The following RESF1 variants were observed in gnomAD, a reference collection of about 807,000 sequenced individuals.
The protein encoded by RESF1 is gonad expressed transcript.
A neutral mutation model predicts 134.7 loss-of-function variants in RESF1; 65 were observed. The ratio of observed to expected loss-of-function variants is 0.48; its 90% confidence interval spans 0.40 to 0.59. RESF1 has a LOEUF of 0.59. Among genes scored for constraint, RESF1 ranks in the 20% least tolerant of loss-of-function variants. RESF1 has a pLI of 0.00. For missense variants in RESF1, 2,274 were observed against 2,002.7 expected (o/e 1.14, Z -2.59); for synonymous variants, 762 against 702.2 (o/e 1.09, Z -1.35).
rs536802667 is a variant in RESF1, at chr12:31,984,004, C to G, written c.3049C>G (p.Gln1017Glu). ...CGATACGTGCTCGTCAGCTGCTATT[C>G]AGGAGGATATTTACCCTCAGGAAAT... ...ANDTCSSAAI[Q>E]EDIYPQEIDA... Residue 1017 changes from glutamine (Q) to glutamate (E), a missense_variant, in exon 4 of 6, where the codon CAG becomes GAG. Physicochemically the swap from Gln to Glu is conservative, Grantham distance 29. Coordinates refer to ENST00000312561, the MANE Select transcript of RESF1 (RefSeq NM_018169.4). 2.3e-5 allele frequency: 37 copies of G among 1,613,960 alleles called. 1 individual carries two copies. The East Asian group carries it at 7.6e-4, about 33-fold the overall frequency.
chr12:31,975,044 G>A (rs1939599323), intron 3 of RESF1, among the ~76,000 whole-genome samples: 1 of 151,918 alleles, frequency 6.6e-6, no homozygotes, highest in Admixed American at 6.6e-5. Context: ...GGAGGCCAAG[G>A]CAGGCAGATC....
Position 31,987,428 on chromosome 12 carries a change from T to A in RESF1, c.5086+106T>A, listed in dbSNP as rs1940001451. On this transcript the variant is annotated intron_variant, in intron 5 of 5. Transcript: ENST00000312561. ...GTAAAGTATGATTTTATCCATGTTCTTTTTTTTTTTTCAGTCATTCAGTGT... is the reference window on the plus strand; with the variant it reads ...GTAAAGTATGATTTTATCCATGTTCATTTTTTTTTTTCAGTCATTCAGTGT... 3 of 267,122 alleles carry A rather than the reference T, an allele frequency of 1.1e-5. No individual in the cohort carries two copies. In the East Asian group the frequency reaches 2.5e-4, roughly 22 times the overall value. 16.5% of individuals were successfully genotyped at this position (267,122 alleles called of 1,614,324 possible). A position where few individuals can be genotyped will look rare whatever the true frequency, so the allele number is the denominator to read the frequency against.
intron 5 of RESF1, among the ~76,000 whole-genome samples, chr12:31,988,955 A>C (rs569199994): frequency 3.3e-5 from 5 of 151,498 alleles, no homozygotes; most frequent in Admixed American, 1.3e-4. Flanking sequence ...CGGCCTCCCA[A>C]AATGCTGGGA....
Position 31,985,195 on chromosome 12 carries a change from C to G in RESF1, c.4240C>G (p.Pro1414Ala), listed in dbSNP as rs935706626. Residue 1414 changes from proline (P) to alanine (A), a missense_variant, in exon 4 of 6, where the codon CCA (proline) becomes GCA (alanine). Coordinates refer to ENST00000312561, the MANE Select transcript of RESF1 (RefSeq NM_018169.4). ...CAAATTAGGTGACTCTTTGTCAAAC[C>G]CAAACGAAAGAGCCATTGTTAAAGA... Reference protein sequence around the residue: ...TFKLGDSLSNPNERAIVKEKM... With the variant: ...TFKLGDSLSNANERAIVKEKM... 1 of 1,573,340 alleles carries G rather than the reference C, an allele frequency of 6.4e-7. No homozygotes were observed. The highest frequency in any genetic ancestry group is 1.4e-5 in the African/African-American group (1 of 72,576).
At chr12:31,961,230 C>T (rs1388229437) in intron 2 of RESF1, among the ~76,000 whole-genome samples, 1 of 152,134 alleles carries the variant, frequency 6.6e-6, no homozygotes, top group East Asian at 1.9e-4. Context: ...TGGCGCAGAG[C>T]ACCACTCTGG....
chr12:31,963,978 A>G (rs1334617809), intron 2 of RESF1, among the ~76,000 whole-genome samples: 2 of 152,250 alleles, frequency 1.3e-5, no homozygotes, highest in Non-Finnish European at 2.9e-5. Flanking sequence ...TACTGTGAAT[A>G]GTGCAGCTAT....
In RESF1 at chr12:31,983,598, T is replaced by G; in HGVS notation, c.2643T>G (p.Asn881Lys). ...NDQQISQESR[N>K]STVVSSDTLQ... is the part of the protein sequence containing the mutation. The stretch of plus-strand genomic sequence containing the variant: ...AGCAAATCTCACAGGAGTCAAGGAA[T>G]AGTACTGTTGTGAGTAGTGATACAT... Residue 881 changes from asparagine to lysine, a missense_variant, in exon 4 of 6, where the codon AAT (asparagine) becomes AAG (lysine). By Grantham distance (94) the Asn-to-Lys change is moderately conservative (BLOSUM62 0). Coordinates refer to ENST00000312561, the MANE Select transcript of RESF1 (RefSeq NM_018169.4). 6.2e-7 allele frequency: 1 copy of G among 1,614,052 alleles called. No individual in the cohort carries two copies. The highest frequency in any genetic ancestry group is 2.2e-5 in the East Asian group (1 of 44,876).
At chr12:31,962,160 G>A (rs1939284758) in intron 2 of RESF1, among the ~76,000 whole-genome samples, 1 of 151,202 alleles carries the variant, frequency 6.6e-6, no homozygotes, top group South Asian at 2.1e-4. Flanking sequence ...GGAGGTTGCA[G>A]TGACCTGAAG....
At position 31,970,440 on chromosome 12, in the gene RESF1, C is replaced by A. The variant is rs542869064; in HGVS notation, c.-79+84C>A. On this transcript the variant is annotated intron_variant, in intron 3 of 5. Coordinates refer to ENST00000312561, the MANE Select transcript of RESF1 (RefSeq NM_018169.4). The stretch of plus-strand genomic sequence containing the variant: ...CATCTACTTCCTTGTTGATTTTCCA[C>A]CTATTTGTTCTATTCATTGTTGAAA... 2.9e-4 allele frequency: 44 copies of A among 152,296 alleles called. 1 individual carries two copies. The highest frequency in any genetic ancestry group is 8.3e-4 in the South Asian group (4 of 4,826). The allele number at this position is 152,296 out of a possible 1,614,324, so 9.4% of individuals were successfully genotyped here.
Position 31,963,081 on chromosome 12 carries a change from A to G in RESF1, c.-247+2210A>G, listed in dbSNP as rs527335292. Among the ~76,000 whole-genome samples the G allele has an allele frequency of 3.4e-5, 5 of 147,750 alleles. No homozygotes were observed. In the South Asian group the frequency reaches 1.1e-3, roughly 32 times the overall value. ...GACTCTGTCTTAGAAAATAAAGTCC[A>G]TGGGCTGGTCGCAGTGGCTCACGCC... On this transcript the variant is annotated intron_variant, in intron 2 of 5. Transcript: ENST00000312561.
At chr12:31,965,782 TG>T (rs1939385513) in intron 2 of RESF1, among the ~76,000 whole-genome samples, 1 of 149,280 alleles carries the variant, frequency 6.7e-6, no homozygotes, top group African/African-American at 2.5e-5. Flanking sequence ...TCCCAGCTGC[TG>T]GGGAGGCTGA....
At position 31,981,071 on chromosome 12, in the gene RESF1, C is replaced by A. The variant is rs746901028; in HGVS notation, c.116C>A (p.Ser39Tyr). The A allele has an allele frequency of 1.2e-6, 2 of 1,614,170 alleles. No individual in the cohort carries two copies. Among genetic ancestry groups the A allele is most frequent in the South Asian group, 2.2e-5 (2 of 91,080 alleles). The part of the protein sequence containing the change: ...INQITTTSQS[S>Y]FSYPGSNQEA... ...CAAATTACCACAACATCTCAGAGTT[C>A]TTTCAGCTATCCTGGAAGTAACCAA... is the stretch of plus-strand genomic sequence containing the variant. Residue 39 changes from serine to tyrosine, a missense_variant, in exon 4 of 6, where the codon TCT (serine) becomes TAT (tyrosine). Transcript: ENST00000312561.
chr12:31,968,789 A>G (rs184172780), intron 2 of RESF1, among the ~76,000 whole-genome samples: 221 of 152,278 alleles, frequency 1.5e-3, no homozygotes, highest in African/African-American at 5.0e-3. Flanking sequence ...ATGTTTGTTT[A>G]TTCAGCAAAT....
intron 2 of RESF1, among the ~76,000 whole-genome samples, chr12:31,962,960 G>A (rs181408556): frequency 5.9e-5 from 9 of 152,308 alleles, no homozygotes; most frequent in East Asian, 3.9e-4. Context: ...TTAGCCAGGC[G>A]TGGTGGCACA....
rs778540800 is a variant in RESF1 at position 31,985,441 on chromosome 12, G to A, written c.4486G>A (p.Glu1496Lys). 5 of 1,607,162 alleles carry A rather than the reference G, an allele frequency of 3.1e-6. No homozygotes were observed. Among genetic ancestry groups the A allele is most frequent in the Non-Finnish European group, 3.4e-6 (4 of 1,178,212 alleles). ...VQVESCGKSN[E>K]KHSSGVQTSK... ...GGTTGAAAGTTGTGGGAAATCAAATGAGAAACACAGCAGCGGCGTGCAGAC... is the reference window on the plus strand; with the variant it reads ...GGTTGAAAGTTGTGGGAAATCAAATAAGAAACACAGCAGCGGCGTGCAGAC... The change falls in exon 4 of 6, where the codon GAG becomes AAG. Residue 1496 changes from glutamate to lysine, a missense_variant. Transcript: ENST00000312561.
At chr12:31,987,487 TGTC>T (rs1037109221) in intron 5 of RESF1, among the ~76,000 whole-genome samples, 165 bp downstream of exon 5, 25 of 152,222 alleles carry the variant, frequency 1.6e-4, no homozygotes, top group Admixed American at 3.3e-4. Flanking sequence ...ATTTTTGTGT[TGTC>T]GTGCTGTGGA....
rs560247633 is a variant in RESF1 at position 31,989,782 on chromosome 12, G to A, written c.5086+2460G>A. Among the ~76,000 whole-genome samples the A allele has an allele frequency of 2.6e-5, 4 of 152,266 alleles. No individual in the cohort carries two copies. In the South Asian group the frequency reaches 8.3e-4, roughly 32 times the overall value. On this transcript the variant is annotated intron_variant, in intron 5 of 5. Transcript: ENST00000312561. ...CGGGAGAATCACTTGAACCTGTGAG[G>A]CGGAGGTTCCAGTGAGCTGAGATCG...
intron 3 of RESF1, among the ~76,000 whole-genome samples, chr12:31,977,034 G>C (rs1939651810): frequency 6.6e-6 from 1 of 152,150 alleles, no homozygotes; most frequent in Non-Finnish European, 1.5e-5. Flanking sequence ...ATCTTCTAGA[G>C]AGTGACTTTA....
rs1171207540 is a variant in RESF1 at position 31,983,279 on chromosome 12, C to G, written c.2324C>G (p.Ser775Cys). 1 of 1,613,204 alleles carries G rather than the reference C, an allele frequency of 6.2e-7. No individual in the cohort carries two copies. The highest frequency in any genetic ancestry group is 1.3e-5 in the African/African-American group (1 of 74,912). Residue 775 changes from serine to cysteine, a missense_variant, in exon 4 of 6, where the codon TCT becomes TGT. Coordinates refer to ENST00000312561, the MANE Select transcript of RESF1 (RefSeq NM_018169.4). ...PLVLSEVKTL[S>C]VKGITPAVLP... is the part of the protein sequence containing the mutation. ...GTTCTGTCAGAGGTCAAAACATTGTCTGTCAAAGGAATAACACCTGCAGTG... is the reference window on the plus strand; with the variant it reads ...GTTCTGTCAGAGGTCAAAACATTGTGTGTCAAAGGAATAACACCTGCAGTG...
Sources: allele counts gnomAD v4.1 joint callset (sites outside exome capture counted in the v4.1 genomes callset), GRCh38; gene constraint gnomAD v4.1.1; transcripts MANE v1.5; gene names NCBI Gene and HGNC (gene_info 2026-07-23, HGNC 2026-07-21).